FAM168B: variants seen among roughly 807,000 people sequenced by gnomAD.
The protein encoded by FAM168B is family with sequence similarity 168 member B.
FAM168B carries 19 observed loss-of-function variants against 21.8 expected under a neutral mutation model. The observed-to-expected ratio is 0.87, with a 90% CI of 0.61 to 1.28. FAM168B has a LOEUF of 1.28. Ranked by LOEUF, FAM168B falls within the 50% of genes most tolerant of loss-of-function variation. FAM168B has a pLI of 0.00. For synonymous variants in FAM168B, 126 were observed against 104.8 expected, an observed-to-expected ratio of 1.20 and a Z score of -1.24; for missense variants, 233 against 263.1, an observed-to-expected ratio of 0.89 and a Z score of 0.79.
intron 1 of FAM168B, among the ~76,000 whole-genome samples, chr2:131,089,992 A>T (rs1257918914): frequency 6.6e-6 from 1 of 150,956 alleles, no homozygotes; most frequent in African/African-American, 2.4e-5. Flanking sequence ...AGATCATACC[A>T]CTGCACTCCA....
intron 2 of FAM168B, among the ~76,000 whole-genome samples, chr2:131,081,219 G>A (rs1358923336): frequency 6.6e-6 from 1 of 151,990 alleles, no homozygotes; most frequent in Non-Finnish European, 1.5e-5. Flanking sequence ...TTTTATATCT[G>A]CAATTCTTCT....
At chr2:131,091,120 G>A (rs1403889207) in intron 1 of FAM168B, among the ~76,000 whole-genome samples, 1 of 152,160 alleles carries the variant, frequency 6.6e-6, no homozygotes, top group Non-Finnish European at 1.5e-5. Context: ...GATCACTTGA[G>A]GTCAAGAGTT....
intron 3 of FAM168B, among the ~76,000 whole-genome samples, chr2:131,058,486 C>T (rs1692135913): frequency 6.6e-6 from 1 of 152,130 alleles, no homozygotes; most frequent in Non-Finnish European, 1.5e-5. Context: ...GAGTCCTGAC[C>T]CTTCTACCCA....
chr2:131,077,795 CA>C (rs948557360), intron 2 of FAM168B, among the ~76,000 whole-genome samples: 2 of 152,154 alleles, frequency 1.3e-5, no homozygotes, highest in African/African-American at 4.8e-5. Flanking sequence ...AGACATATGT[CA>C]AATTCTAAAG....
intron 1 of FAM168B, among the ~76,000 whole-genome samples, chr2:131,086,641 G>A (rs1317103228): frequency 1.3e-5 from 2 of 152,204 alleles, no homozygotes; most frequent in Non-Finnish European, 2.9e-5. Context: ...AATATGGTAA[G>A]TGAATTTTTA....
Position 131,052,976 on chromosome 2 carries a change from G to A in FAM168B, c.515C>T (p.Pro172Leu). 6.4e-7 allele frequency: 1 copy of A among 1,559,152 alleles called. No homozygotes were observed. The highest frequency in any genetic ancestry group is 8.7e-7 in the Non-Finnish European group (1 of 1,151,212). The change falls in exon 6 of 7, where the codon CCC (proline) becomes CTC (leucine). Residue 172 changes from proline to leucine, a missense_variant. By Grantham distance (98) the Pro-to-Leu change is moderately conservative (BLOSUM62 -3). Transcript: ENST00000389915. The part of the protein sequence containing the change: ...LTAHSPTPVA[P>L]HPVTVPTYRA... Reference sequence around the variant, plus strand: ...GTACGTGGGCACAGTGACCGGGTGGGGGGCGACAGGAGTTGGGGAGTGAGC... The same window carrying A: ...GTACGTGGGCACAGTGACCGGGTGGAGGGCGACAGGAGTTGGGGAGTGAGC...
At chr2:131,075,326 G>A (rs1291080810) in intron 2 of FAM168B, among the ~76,000 whole-genome samples, 2 of 151,030 alleles carry the variant, frequency 1.3e-5, no homozygotes, top group Non-Finnish European at 2.9e-5. Flanking sequence ...ATATCCTGTA[G>A]GCCTCTGCAA....
At chr2:131,083,008 G>A (rs1693496605) in intron 1 of FAM168B, among the ~76,000 whole-genome samples, 1 of 152,026 alleles carries the variant, frequency 6.6e-6, no homozygotes, top group African/African-American at 2.4e-5. Context: ...ATCACCTGAG[G>A]TCAGGAGTTT....
At chr2:131,088,678 T>C (rs1693844016) in intron 1 of FAM168B, among the ~76,000 whole-genome samples, 1 of 152,218 alleles carries the variant, frequency 6.6e-6, no homozygotes, top group Non-Finnish European at 1.5e-5. Flanking sequence ...TCGAAAATGA[T>C]ACATCTATAC....
In FAM168B at chr2:131,093,450, G is replaced by A. The variant is rs912998362; in HGVS notation, c.-248C>T. 6.6e-6 allele frequency: 1 copy of A among 151,168 alleles called. No individual in the cohort carries two copies. Among genetic ancestry groups the A allele is most frequent in the East Asian group, 1.9e-4 (1 of 5,146 alleles). 9.4% of individuals were successfully genotyped at this position (151,168 alleles called of 1,614,324 possible). A position where few individuals can be genotyped will look rare whatever the true frequency, so the allele number is the denominator to read the frequency against. ...CCCCGCCGACGCTGCGCAGCCACCG[G>A]AGCCGCCGACCTCACTTCCGCCTGA... On this transcript the variant is annotated 5_prime_UTR_variant, in exon 1 of 7. Transcript: ENST00000389915.
At chr2:131,053,062 C>T in intron 5 of FAM168B, 47 bp from the exon 6 acceptor site, 1 of 1,507,642 alleles carries the variant, frequency 6.6e-7, no homozygotes. Context: ...TCCTGCACAG[C>T]TCCACACTGC....
chr2:131,055,542 C>T lies in FAM168B; in HGVS notation c.297+11G>A, dbSNP rs1428617372. 1.2e-6 allele frequency: 2 copies of T among 1,601,906 alleles called. No individual in the cohort carries two copies. Among genetic ancestry groups the T allele is most frequent in the East Asian group, 2.2e-5 (1 of 44,612 alleles). Reference sequence around the variant, plus strand: ...ACCCCTTCCCACACAGCAGTGTGTACCCAAGCATACCTGTGCATACGGGCT... The same window carrying T: ...ACCCCTTCCCACACAGCAGTGTGTATCCAAGCATACCTGTGCATACGGGCT... On this transcript the variant is annotated intron_variant, in intron 4 of 6. Transcript: ENST00000389915.
intron 1 of FAM168B, among the ~76,000 whole-genome samples, chr2:131,092,815 A>T (rs900352870): frequency 1.1e-4 from 17 of 151,366 alleles, no homozygotes; most frequent in African/African-American, 1.7e-4. Context: ...GCAAAAAAAT[A>T]AAAATAAAAA....
intron 1 of FAM168B, among the ~76,000 whole-genome samples, chr2:131,085,101 T>C (rs1234943683): frequency 1.3e-5 from 2 of 151,660 alleles, no homozygotes; most frequent in African/African-American, 4.9e-5. Context: ...GGTAGGGGGG[T>C]ATATGGGAAC....
intron 3 of FAM168B, among the ~76,000 whole-genome samples, chr2:131,068,035 A>G (rs1185428040): frequency 6.6e-6 from 1 of 152,224 alleles, no homozygotes; most frequent in East Asian, 1.9e-4. Context: ...CAAGACCCCC[A>G]TCTCTTAAAA....
intron 2 of FAM168B, among the ~76,000 whole-genome samples, chr2:131,082,017 G>C (rs1245559975): frequency 6.6e-6 from 1 of 152,098 alleles, no homozygotes; most frequent in Non-Finnish European, 1.5e-5. Flanking sequence ...TGCTATTTTT[G>C]ACCAACCAGC....
intron 2 of FAM168B, among the ~76,000 whole-genome samples, chr2:131,077,990 C>CA (rs769324078): frequency 1.1e-4 from 16 of 152,258 alleles, no homozygotes; most frequent in Non-Finnish European, 1.9e-4. Context: ...CAAGCCTTGC[C>CA]AAAACTGAAA....
rs1691432195 is a variant in FAM168B at position 131,048,463 on chromosome 2, T to C, written c.*4002A>G. 1 of 1,184,978 alleles carries C rather than the reference T, an allele frequency of 8.4e-7. No individual in the cohort carries two copies. The highest frequency in any genetic ancestry group is 1.1e-6 in the Non-Finnish European group (1 of 926,502). The allele number at this position is 1,184,978 out of a possible 1,614,324, so 73.4% of individuals were successfully genotyped here. ...CCTCTGTCTCCCCTTCCCAAGTGAC[T>C]TCACTTCAGTCCTGTGGACCAAGAT... On this transcript the variant is annotated 3_prime_UTR_variant, in exon 7 of 7. Coordinates refer to ENST00000389915, the MANE Select transcript of FAM168B (RefSeq NM_001009993.4).
At chr2:131,069,643 G>A (rs553001824) in intron 3 of FAM168B, among the ~76,000 whole-genome samples, 7 of 151,930 alleles carry the variant, frequency 4.6e-5, no homozygotes, top group East Asian at 1.9e-4. Flanking sequence ...ACAGGAGCCC[G>A]CCACCATGAC....
Sources: allele counts gnomAD v4.1 joint callset (sites outside exome capture counted in the v4.1 genomes callset), GRCh38; gene constraint gnomAD v4.1.1; transcripts MANE v1.5; gene names NCBI Gene and HGNC (gene_info 2026-07-23, HGNC 2026-07-21).